Variants in TNRC6B observed in about 807,000 individuals in gnomAD.
TNRC6B encodes the protein trinucleotide repeat-containing gene 6B protein.
In TNRC6B, 52 loss-of-function variants were observed where a neutral mutation model predicts 203.6. The observed-to-expected ratio is 0.26, with a 90% CI of 0.20 to 0.32. TNRC6B has a LOEUF of 0.32. Ranked by LOEUF, TNRC6B falls within the 10% of genes least tolerant of loss-of-function variation. TNRC6B has a pLI of 1.00. For synonymous variants in TNRC6B, 838 were observed against 845.7 expected (o/e 0.99, Z 0.16); for missense variants, 1,923 against 2,286.2 (o/e 0.84, Z 3.24).
At chr22:40,112,708 G>T (rs2068349946) in intron 1 of TNRC6B, among the ~76,000 whole-genome samples, 1 of 152,192 alleles carries the variant, frequency 6.6e-6, no homozygotes, top group Non-Finnish European at 1.5e-5. Context: ...AAGAACAGTT[G>T]AATAGTATCT....
At chr22:40,099,459 AT>A (rs1207417978) in intron 1 of TNRC6B, among the ~76,000 whole-genome samples, 1 of 152,140 alleles carries the variant, frequency 6.6e-6, no homozygotes, top group African/African-American at 2.4e-5. Context: ...CCTCAACAAG[AT>A]TAGTACAGCG....
intron 15 of TNRC6B, among the ~76,000 whole-genome samples, chr22:40,302,468 A>G (rs894738086): frequency 3.3e-5 from 5 of 152,046 alleles, no homozygotes; most frequent in Non-Finnish European, 5.9e-5. Flanking sequence ...CCCTGTCCCT[A>G]CTAAAAATAC....
intron 1 of TNRC6B, among the ~76,000 whole-genome samples, chr22:40,047,191 C>T (rs2067697198): frequency 6.6e-6 from 1 of 152,078 alleles, no homozygotes; most frequent in African/African-American, 2.4e-5. Context: ...TGAGAGCCTA[C>T]GCGTGTTTCA....
chr22:40,312,756 A>G, intron 18 of TNRC6B, 105 bp downstream of exon 18: 1 of 1,502,054 alleles, frequency 6.7e-7, no homozygotes. Context: ...TTAACCAAAA[A>G]ATGTAAAAAG....
At chr22:40,315,229 CA>C in intron 19 of TNRC6B, 53 bp from the exon 20 acceptor site, 14 of 1,460,458 alleles carry the variant, frequency 9.6e-6, no homozygotes, top group Non-Finnish European at 1.3e-5. Context: ...GTGTATTTGT[CA>C]ACAAAAGTGA....
intron 3 of TNRC6B, among the ~76,000 whole-genome samples, chr22:40,253,248 A>ATTT (rs747179821): frequency 7.2e-6 from 1 of 138,378 alleles, no homozygotes; most frequent in African/African-American, 2.6e-5. Context: ...TGCCCGGCTA[A>ATTT]TTTTTTTTTT....
intron 1 of TNRC6B, among the ~76,000 whole-genome samples, chr22:40,081,307 G>GTTTTTTTTTTTTTTTTTTT (rs34140652): frequency 9.9e-6 from 1 of 101,502 alleles, no homozygotes; most frequent in African/African-American, 3.6e-5. Context: ...GTGTCTGCGT[G>GTTTTTTTTTTTTTTTTTTT]TTTTTTTTTT....
At chr22:40,057,325 C>T (rs1481195214) in intron 1 of TNRC6B, among the ~76,000 whole-genome samples, 9 of 140,560 alleles carry the variant, frequency 6.4e-5, no homozygotes, top group African/African-American at 1.6e-4. Flanking sequence ...CAGAGTTTCG[C>T]TCTTGTTGCC....
chr22:40,192,253 C>T (rs962890992), intron 1 of TNRC6B, among the ~76,000 whole-genome samples: 10 of 152,088 alleles, frequency 6.6e-5, no homozygotes, highest in East Asian at 1.9e-4. Context: ...GTTAAGGATC[C>T]GGTGGAAGGG....
chr22:40,335,764 GA>G lies in TNRC6B; in HGVS notation c.*12531del, dbSNP rs10688354. ...ACTACAAAATATTTTTGGGTTCCTG[GA>G]AAAAAAAGAAAAAAGACTAATAAAT... On this transcript the variant is annotated 3_prime_UTR_variant, in exon 23 of 23. Transcript: ENST00000454349. 4 of 143,342 alleles carry G rather than the reference GA, an allele frequency of 2.8e-5. No homozygotes were observed. The highest frequency in any genetic ancestry group is 2.0e-4 in the East Asian group (1 of 5,052). 8.9% of individuals were successfully genotyped at this position (143,342 alleles called of 1,614,324 possible).
intron 1 of TNRC6B, among the ~76,000 whole-genome samples, chr22:40,055,159 A>C (rs1477918366): frequency 1.3e-5 from 2 of 152,186 alleles, no homozygotes; most frequent in African/African-American, 4.8e-5. Flanking sequence ...GCGAAAGGAG[A>C]TCTTTGTTCC....
At chr22:40,249,225 A>T (rs1203205449) in intron 2 of TNRC6B, among the ~76,000 whole-genome samples, 1 of 152,242 alleles carries the variant, frequency 6.6e-6, no homozygotes, top group Non-Finnish European at 1.5e-5. Flanking sequence ...TTGTATGGCC[A>T]GTAACTAGGG....
At position 40,315,385 on chromosome 22, in the gene TNRC6B, A is replaced by T; in HGVS notation, c.4781A>T (p.Asn1594Ile). Reference sequence around the variant, plus strand: ...TGGAAAAACCATATTTCCTCCAGGAACACTACACCGCTGCCCCGCCCACCT... The same window carrying T: ...TGGAAAAACCATATTTCCTCCAGGATCACTACACCGCTGCCCCGCCCACCT... ...KMWKNHISSR[N>I]TTPLPRPPPG... The change falls in exon 20 of 23, where the codon AAC (asparagine) becomes ATC (isoleucine). Residue 1594 changes from asparagine (N) to isoleucine (I), a missense_variant. Transcript: ENST00000454349. 7 of 1,613,956 alleles carry T rather than the reference A, an allele frequency of 4.3e-6. No homozygotes were observed. The highest frequency in any genetic ancestry group is 1.3e-5 in the African/African-American group (1 of 75,010).
intron 1 of TNRC6B, among the ~76,000 whole-genome samples, chr22:40,236,721 T>C (rs992532730): frequency 1.3e-5 from 2 of 152,216 alleles, no homozygotes; most frequent in African/African-American, 2.4e-5. Flanking sequence ...AAGGTTCTTA[T>C]CATCCTTTCA....
chr22:40,171,265 G>A (rs1030060272), intron 4 of TNRC6B, among the ~76,000 whole-genome samples: 9 of 149,696 alleles, frequency 6.0e-5, no homozygotes, highest in African/African-American at 2.2e-4. Flanking sequence ...GGATTCAAGC[G>A]ATTCTCCTGC....
chr22:40,201,576 C>T (rs1213210720), intron 1 of TNRC6B, among the ~76,000 whole-genome samples: 2 of 151,760 alleles, frequency 1.3e-5, no homozygotes, highest in African/African-American at 4.8e-5. Flanking sequence ...GCTGGGACTA[C>T]AGGCGTACTC....
At chr22:40,302,362 C>T (rs953259686) in intron 15 of TNRC6B, among the ~76,000 whole-genome samples, 3 of 152,172 alleles carry the variant, frequency 2.0e-5, no homozygotes, top group Non-Finnish European at 4.4e-5. Flanking sequence ...GGGCCGCGCG[C>T]GGTGACTCAC....
chr22:40,179,943 A>T lies in TNRC6B; in HGVS notation c.5+1803A>T, dbSNP rs146029183. Among the ~76,000 whole-genome samples, 688 of 152,342 alleles carry T rather than the reference A, an allele frequency of 4.5e-3. 6 individuals are homozygous for T. The highest frequency in any genetic ancestry group is 0.015 in the African/African-American group (628 of 41,580). ...AGCAAGGATTTTATTATTTTAAAAAATTAATGTTGTTATGTTAGTAATGGT... is the reference window on the plus strand; with the variant it reads ...AGCAAGGATTTTATTATTTTAAAAATTTAATGTTGTTATGTTAGTAATGGT... On this transcript the variant is annotated intron_variant, in intron 1 of 22. Coordinates refer to ENST00000454349, the MANE Select transcript of TNRC6B (RefSeq NM_001162501.2).
chr22:40,181,114 C>G (rs1347782912), intron 1 of TNRC6B, among the ~76,000 whole-genome samples: 2 of 152,192 alleles, frequency 1.3e-5, no homozygotes, highest in African/African-American at 4.8e-5. Flanking sequence ...GCAAACTCAG[C>G]TCTGTTCTTC....
Sources: gnomAD v4.1 joint callset for allele counts (sites outside exome capture counted in the v4.1 genomes callset) on GRCh38, gnomAD v4.1.1 for gene constraint, MANE v1.5 for transcripts, NCBI Gene and HGNC (gene_info 2026-07-23, HGNC 2026-07-21) for gene names.